The following C11orf24 variants were observed in gnomAD, a reference collection of about 807,000 sequenced individuals.
The protein encoded by C11orf24 is chromosome 11 open reading frame 24.
A neutral mutation model predicts 7.3 loss-of-function variants in C11orf24; 5 were observed. That is an observed-to-expected ratio of 0.69 (90% confidence interval 0.36 to 1.45). The LOEUF (loss-of-function observed/expected upper bound fraction) is 1.45, where lower values mean the gene tolerates loss of function less well. Ranked by LOEUF, C11orf24 falls within the 40% of genes most tolerant of loss-of-function variation. C11orf24 has a pLI of 0.03. For synonymous variants in C11orf24, 233 were observed against 235.7 expected (o/e 0.99, Z 0.11); for missense variants, 566 against 590.5 (o/e 0.96, Z 0.43).
intron 3 of C11orf24, chr11:68,263,425 G>A: frequency 1.9e-6 from 1 of 522,042 alleles, no homozygotes; most frequent in Non-Finnish European, 3.4e-6. Flanking sequence ...ATTCCCCAGT[G>A]AAGATTCAAT....
rs1403381503 is a variant in C11orf24 at position 68,262,329 on chromosome 11, G to T, written c.666C>A (p.Asn222Lys). ...TRAQTVATTA[N>K]TSSPMSTRPS... ...GACGAGTGCTCATGGGGCTGCTTGT[G>T]TTTGCTGTGGTCGCTACAGTCTGAG... The change falls in exon 4 of 4, where the codon AAC (asparagine) becomes AAA (lysine). Residue 222 changes from asparagine to lysine, a missense_variant. By Grantham distance (94) the Asn-to-Lys change is moderately conservative (BLOSUM62 0). Coordinates refer to ENST00000304271, the MANE Select transcript of C11orf24 (RefSeq NM_022338.4). 2 of 1,614,036 alleles carry T rather than the reference G, an allele frequency of 1.2e-6. No individual in the cohort carries two copies. Among genetic ancestry groups the T allele is most frequent in the Non-Finnish European group, 1.7e-6 (2 of 1,179,914 alleles).
intron 2 of C11orf24, among the ~76,000 whole-genome samples, chr11:68,264,625 C>T (rs767087545): frequency 2.4e-3 from 90 of 37,848 alleles, no homozygotes; most frequent in East Asian, 6.3e-3. Flanking sequence ...CATCCATCCA[C>T]CCATCCATCC....
At chr11:68,270,149 G>A (rs2098567179) in intron 1 of C11orf24, among the ~76,000 whole-genome samples, 2 of 152,180 alleles carry the variant, frequency 1.3e-5, no homozygotes. Context: ...GGAGGGGAAT[G>A]AGCGAGAGAG....
chr11:68,266,563 A>G (rs879511215), intron 2 of C11orf24, among the ~76,000 whole-genome samples: 14 of 152,172 alleles, frequency 9.2e-5, no homozygotes, highest in Non-Finnish European at 1.9e-4. Flanking sequence ...GGCCTTACAA[A>G]CCACAGATCT....
chr11:68,263,622 C>T lies in C11orf24; in HGVS notation c.76+70G>A, dbSNP rs375641551. The stretch of plus-strand genomic sequence containing the variant: ...CGTTGGCCTGGGTTTGCAGATGCTG[C>T]TTTCAAGGGCTCAGCATGCTTTGTG... On this transcript the variant is annotated intron_variant, in intron 3 of 3. Transcript: ENST00000304271. 1.4e-4 allele frequency: 199 copies of T among 1,452,806 alleles called. No homozygotes were observed. In the African/African-American group the frequency reaches 2.6e-3, roughly 19 times the overall value. The allele number at this position is 1,452,806 out of a possible 1,614,324, so 90.0% of individuals were successfully genotyped here.
In C11orf24 at chr11:68,262,114, G is replaced by T. The variant is rs138860237; in HGVS notation, c.881C>A (p.Thr294Asn). ...AGTTGGCTCCCTGGCTTGTGCCTTG[G>T]TGGTGGTCACCACTGTGGGGGTGGG... ...PAPTPTVVTT[T>N]KAQAREPTAS... The change falls in exon 4 of 4, where the codon ACC (threonine) becomes AAC (asparagine). Residue 294 changes from threonine (T) to asparagine (N), a missense_variant. Physicochemically the swap from Thr to Asn is moderately conservative, Grantham distance 65. Coordinates refer to ENST00000304271, the MANE Select transcript of C11orf24 (RefSeq NM_022338.4). The T allele has an allele frequency of 6.2e-7, 1 of 1,613,830 alleles. No individual in the cohort carries two copies. The highest frequency in any genetic ancestry group is 8.5e-7 in the Non-Finnish European group (1 of 1,179,984).
Position 68,262,438 on chromosome 11 carries a change from G to A in C11orf24, c.557C>T (p.Pro186Leu), listed in dbSNP as rs757909683. 5 of 1,614,164 alleles carry A rather than the reference G, an allele frequency of 3.1e-6. No homozygotes were observed. Among genetic ancestry groups the A allele is most frequent in the East Asian group, 4.5e-5 (2 of 44,890 alleles). Reference sequence around the variant, plus strand: ...TTGTGCGAGGGCTGTGCTGAGAGATGGATGCCCAGTGGCGGTAGTGGACGG... The same window carrying A: ...TTGTGCGAGGGCTGTGCTGAGAGATAGATGCCCAGTGGCGGTAGTGGACGG... ...RTPSTTATGH[P>L]SLSTALAQVP... The change falls in exon 4 of 4, where the codon CCA (proline) becomes CTA (leucine). Residue 186 changes from proline (P) to leucine (L), a missense_variant. Pro to Leu is a moderately conservative substitution (Grantham distance 98). Transcript: ENST00000304271.
At position 68,262,919 on chromosome 11, in the gene C11orf24, C is replaced by A. The variant is rs1483647699; in HGVS notation, c.77-1G>T. ...CACATTTTGTTAGGGACAAAGTTGC[C>A]TTAAAGTCAGAAAAAGGAGAAAAAG... is the stretch of plus-strand genomic sequence containing the variant. On this transcript the variant is annotated splice_acceptor_variant, in intron 3 of 3. Coordinates refer to ENST00000304271, the MANE Select transcript of C11orf24 (RefSeq NM_022338.4). LOFTEE classifies it high-confidence loss of function. The A allele has an allele frequency of 4.3e-6, 7 of 1,611,510 alleles. No homozygotes were observed. Among genetic ancestry groups the A allele is most frequent in the Non-Finnish European group, 5.9e-6 (7 of 1,178,494 alleles).
In C11orf24 at chr11:68,262,639, ATGGAGGCCGCAGTCGTAC is replaced by A; in HGVS notation, c.338_355del (p.Ser113_Ser118del). 1.9e-6 allele frequency: 3 copies of A among 1,612,624 alleles called. No individual in the cohort carries two copies. The highest frequency in any genetic ancestry group is 1.1e-5 in the South Asian group (1 of 90,046). On this transcript the variant is annotated inframe_deletion, in exon 4 of 4. Transcript: ENST00000304271. ...AGTCATACTGGAGGCCGCAGTCGTA[ATGGAGGCCGCAGTCGTAC>A]TGGAGGCCACAGCCGTGGGAGCAAT...
At chr11:68,269,719 A>G (rs1277541037) in intron 1 of C11orf24, among the ~76,000 whole-genome samples, 3 of 152,060 alleles carry the variant, frequency 2.0e-5, no homozygotes, top group Non-Finnish European at 4.4e-5. Context: ...ATATCAGGAC[A>G]CTCCACGGGT....
chr11:68,262,379 T>C lies in C11orf24; in HGVS notation c.616A>G (p.Thr206Ala), dbSNP rs778461966. 1.1e-5 allele frequency: 18 copies of C among 1,614,098 alleles called. No homozygotes were observed. Among genetic ancestry groups the C allele is most frequent in the South Asian group, 3.3e-5 (3 of 91,090 alleles). ...PKSSALPRTA[T>A]LATLATRAQT... ...GCACGTGTGGCCAATGTGGCCAGGG[T>C]TGCTGTTCTTGGCAACGCGCTGCTC... Residue 206 changes from threonine (T) to alanine (A), a missense_variant, in exon 4 of 4, where the codon ACC becomes GCC. By Grantham distance (58) the Thr-to-Ala change is moderately conservative. Coordinates refer to ENST00000304271, the MANE Select transcript of C11orf24 (RefSeq NM_022338.4).
In C11orf24 at chr11:68,261,585, T is replaced by C. The variant is rs955785190; in HGVS notation, c.*60A>G. The stretch of plus-strand genomic sequence containing the variant: ...GAATTTGGAAGCACTTGGTTTGGTC[T>C]CAAAGGCAAAAGGAAAGGACGAGGA... On this transcript the variant is annotated 3_prime_UTR_variant, in exon 4 of 4. Coordinates refer to ENST00000304271, the MANE Select transcript of C11orf24 (RefSeq NM_022338.4). The C allele has an allele frequency of 2.0e-6, 3 of 1,492,072 alleles. No homozygotes were observed. Among genetic ancestry groups the C allele is most frequent in the Non-Finnish European group, 1.8e-6 (2 of 1,106,908 alleles). 92.4% of individuals were successfully genotyped at this position (1,492,072 alleles called of 1,614,324 possible).
At chr11:68,270,737 C>A (rs1352810778) in intron 1 of C11orf24, among the ~76,000 whole-genome samples, 1 of 152,150 alleles carries the variant, frequency 6.6e-6, no homozygotes, top group Non-Finnish European at 1.5e-5. Context: ...GCAACATGGC[C>A]AGGCCCCCAC....
At chr11:68,266,512 G>T (rs79623368) in intron 2 of C11orf24, among the ~76,000 whole-genome samples, 4,881 of 152,284 alleles carry the variant, frequency 0.032, 126 homozygotes, top group Non-Finnish European at 0.048. Flanking sequence ...AAAATGGTCT[G>T]TAAGGGCTCC....
intron 1 of C11orf24, among the ~76,000 whole-genome samples, chr11:68,271,029 C>T (rs2098567665): frequency 6.6e-6 from 1 of 152,182 alleles, no homozygotes; most frequent in African/African-American, 2.4e-5. Flanking sequence ...CAGCTAAATA[C>T]TAGGGCCTAG....
In C11orf24 at chr11:68,263,864, G is replaced by T. The variant is rs572986651; in HGVS notation, c.-97C>A. The T allele has an allele frequency of 2.8e-6, 3 of 1,057,798 alleles. No homozygotes were observed. Among genetic ancestry groups the T allele is most frequent in the African/African-American group, 3.2e-5 (2 of 63,426 alleles). The allele number at this position is 1,057,798 out of a possible 1,614,324, so 65.5% of individuals were successfully genotyped here. Reference sequence around the variant, plus strand: ...ATGGTTCCCTCCTGCTTGGCCAAGGGATCTGTGGTCAAGAAAGCACGCTGG... The same window carrying T: ...ATGGTTCCCTCCTGCTTGGCCAAGGTATCTGTGGTCAAGAAAGCACGCTGG... On this transcript the variant is annotated splice_region_variant and 5_prime_UTR_variant, in exon 3 of 4. Coordinates refer to ENST00000304271, the MANE Select transcript of C11orf24 (RefSeq NM_022338.4).
rs1369045794 is a variant in C11orf24, at chr11:68,263,870, T to C, written c.-99-4A>G. ...CCCTCCTGCTTGGCCAAGGGATCTGTGGTCAAGAAAGCACGCTGGTCAGAA... is the reference window on the plus strand; with the variant it reads ...CCCTCCTGCTTGGCCAAGGGATCTGCGGTCAAGAAAGCACGCTGGTCAGAA... On this transcript the variant is annotated splice_polypyrimidine_tract_variant and splice_region_variant and intron_variant, in intron 2 of 3. Transcript: ENST00000304271. 10 of 1,002,052 alleles carry C rather than the reference T, an allele frequency of 1.0e-5. No homozygotes were observed. Among genetic ancestry groups the C allele is most frequent in the Non-Finnish European group, 1.5e-5 (10 of 670,954 alleles). The allele number at this position is 1,002,052 out of a possible 1,614,324, so 62.1% of individuals were successfully genotyped here.
chr11:68,262,597 G>A lies in C11orf24; in HGVS notation c.398C>T (p.Pro133Leu), dbSNP rs202000961. The A allele has an allele frequency of 1.4e-4, 227 of 1,613,828 alleles. No individual in the cohort carries two copies. The highest frequency in any genetic ancestry group is 8.4e-4 in the Middle Eastern group (5 of 5,988). ...ASSMTVASSAPTTAASSTTVA... is the reference protein window; with the variant it reads ...ASSMTVASSALTTAASSTTVA... Reference sequence around the variant, plus strand: ...AGTTGTACTGGAGGCTGCAGTCGTGGGAGCACTGGAGGCCACAGTCATACT... The same window carrying A: ...AGTTGTACTGGAGGCTGCAGTCGTGAGAGCACTGGAGGCCACAGTCATACT... The change falls in exon 4 of 4, where the codon CCC becomes CTC. Residue 133 changes from proline to leucine, a missense_variant. Coordinates refer to ENST00000304271, the MANE Select transcript of C11orf24 (RefSeq NM_022338.4).
rs752120765 is a variant in C11orf24 at position 68,262,435 on chromosome 11, G to C, written c.560C>G (p.Ser187Cys). ...TPSTTATGHPSLSTALAQVPK... is the reference protein window; with the variant it reads ...TPSTTATGHPCLSTALAQVPK... ...CACTTGTGCGAGGGCTGTGCTGAGA[G>C]ATGGATGCCCAGTGGCGGTAGTGGA... is the stretch of plus-strand genomic sequence containing the variant. The change falls in exon 4 of 4, where the codon TCT becomes TGT. Residue 187 changes from serine to cysteine, a missense_variant. Coordinates refer to ENST00000304271, the MANE Select transcript of C11orf24 (RefSeq NM_022338.4). 6.2e-7 allele frequency: 1 copy of C among 1,614,190 alleles called. No homozygotes were observed. Among genetic ancestry groups the C allele is most frequent in the East Asian group, 2.2e-5 (1 of 44,886 alleles).
Sources: gnomAD v4.1 joint callset for allele counts (sites outside exome capture counted in the v4.1 genomes callset) on GRCh38, gnomAD v4.1.1 for gene constraint, MANE v1.5 for transcripts, NCBI Gene and HGNC (gene_info 2026-07-23, HGNC 2026-07-21) for gene names.